Variants in GPR141 observed in about 807,000 individuals in gnomAD.
GPR141 encodes the protein G protein-coupled receptor 141.
A neutral mutation model predicts 6.8 loss-of-function variants in GPR141; 6 were observed. The ratio of observed to expected loss-of-function variants is 0.88; its 90% CI spans 0.48 to 1.74. The LOEUF (loss-of-function observed/expected upper bound fraction) is 1.74. GPR141 is among the 40% of genes most tolerant of loss of function. The pLI, the probability that GPR141 is intolerant of heterozygous loss-of-function variation, is 0.01. For missense variants in GPR141, 372 were observed against 372.9 expected (o/e 1.00, Z 0.02); for synonymous variants, 140 against 142.3 (o/e 0.98, Z 0.11).
At position 37,740,826 on chromosome 7, in the gene GPR141, G is replaced by C; in HGVS notation, c.433G>C (p.Val145Leu). 1 of 1,614,156 alleles carries C rather than the reference G, an allele frequency of 6.2e-7. No individual in the cohort carries two copies. Among genetic ancestry groups the C allele is most frequent in the Non-Finnish European group, 8.5e-7 (1 of 1,180,006 alleles). The stretch of plus-strand genomic sequence containing the variant: ...TGCTGGCATGTGGACGCTGGTGATT[G>C]TCATTGTGGTACCCCTGGTTGTCTC... ...ASAGMWTLVIVIVVPLVVSRY... is the reference protein window; with the variant it reads ...ASAGMWTLVILIVVPLVVSRY... Residue 145 changes from valine (V) to leucine (L), a missense_variant, in exon 3 of 3, where the codon GTC becomes CTC. By Grantham distance (32) the Val-to-Leu change is conservative. Coordinates refer to ENST00000334425, the MANE Select transcript of GPR141 (RefSeq NM_001381946.1).
intron 2 of GPR141, among the ~76,000 whole-genome samples, chr7:37,687,448 A>G (rs980979864): frequency 6.6e-6 from 1 of 152,118 alleles, no homozygotes; most frequent in Non-Finnish European, 1.5e-5. Context: ...AAATAGAAAT[A>G]TACTATTTGC....
rs187307900 is a variant in GPR141 at position 37,742,036 on chromosome 7, A to G, written c.*725A>G. Among the ~76,000 whole-genome samples, 322 of 152,324 alleles carry G rather than the reference A, an allele frequency of 2.1e-3. No individual in the cohort carries two copies. Among genetic ancestry groups the G allele is most frequent in the Non-Finnish European group, 3.5e-3 (235 of 68,020 alleles). On this transcript the variant is annotated 3_prime_UTR_variant, in exon 3 of 3. Transcript: ENST00000334425. The stretch of plus-strand genomic sequence containing the variant: ...TTAAAAGCTTACTGGACATATCTAC[A>G]TAATGGTGAAACTGTAATTTAGAGA...
At chr7:37,708,737 A>G (rs1389963092) in intron 2 of GPR141, among the ~76,000 whole-genome samples, 2 of 152,168 alleles carry the variant, frequency 1.3e-5, no homozygotes, top group African/African-American at 4.8e-5. Context: ...TAGAAGAGCA[A>G]TAAGGTATCA....
intron 2 of GPR141, among the ~76,000 whole-genome samples, chr7:37,714,120 G>A (rs1810937937): frequency 6.6e-6 from 1 of 151,986 alleles, no homozygotes; most frequent in African/African-American, 2.4e-5. Flanking sequence ...GAATGTTTGG[G>A]TGGCAAGTGT....
At chr7:37,727,830 A>G (rs1451516384) in intron 2 of GPR141, among the ~76,000 whole-genome samples, 1 of 152,256 alleles carries the variant, frequency 6.6e-6, no homozygotes, top group Non-Finnish European at 1.5e-5. Flanking sequence ...AAATATTAAG[A>G]TGTCATTTAG....
chr7:37,706,994 C>T (rs570643043), intron 2 of GPR141, among the ~76,000 whole-genome samples: 1 of 152,064 alleles, frequency 6.6e-6, no homozygotes, highest in African/African-American at 2.4e-5. Context: ...CGCCCACTGC[C>T]TCTTCCTCTT....
intron 2 of GPR141, among the ~76,000 whole-genome samples, chr7:37,712,519 A>G (rs1409022339): frequency 6.6e-6 from 1 of 152,106 alleles, no homozygotes; most frequent in Non-Finnish European, 1.5e-5. Flanking sequence ...TCCTCACACT[A>G]CCTGCCCCTC....
At chr7:37,732,142 CTCTT>C (rs1166051720) in intron 2 of GPR141, among the ~76,000 whole-genome samples, 1 of 131,432 alleles carries the variant, frequency 7.6e-6, no homozygotes, top group Non-Finnish European at 1.6e-5. Context: ...CTTTCTCTCT[CTCTT>C]TTTTTTTTTT....
At chr7:37,708,600 A>G (rs944440250) in intron 2 of GPR141, among the ~76,000 whole-genome samples, 1 of 152,144 alleles carries the variant, frequency 6.6e-6, no homozygotes, top group Admixed American at 6.6e-5. Context: ...TCCTCTGGGA[A>G]GAGGCACATA....
At chr7:37,718,794 G>C (rs1811173271) in intron 2 of GPR141, among the ~76,000 whole-genome samples, 1 of 152,188 alleles carries the variant, frequency 6.6e-6, no homozygotes, top group Non-Finnish European at 1.5e-5. Flanking sequence ...GATCACAAGG[G>C]TGATAGAGCC....
At chr7:37,687,985 C>T (rs1217632582) in intron 2 of GPR141, among the ~76,000 whole-genome samples, 3 of 152,130 alleles carry the variant, frequency 2.0e-5, no homozygotes, top group Non-Finnish European at 4.4e-5. Flanking sequence ...ATACAACTTA[C>T]AATTGCAATG....
chr7:37,737,688 A>G (rs1223145061), intron 2 of GPR141, among the ~76,000 whole-genome samples: 1 of 152,002 alleles, frequency 6.6e-6, no homozygotes, highest in Non-Finnish European at 1.5e-5. Context: ...AAGATTAGAC[A>G]CCTCTGGTCT....
At chr7:37,700,240 CAG>C (rs1810218915) in intron 2 of GPR141, among the ~76,000 whole-genome samples, 1 of 152,188 alleles carries the variant, frequency 6.6e-6, no homozygotes, top group Non-Finnish European at 1.5e-5. Context: ...GAATTTAGTG[CAG>C]AGTGTATTTT....
At chr7:37,693,685 C>G (rs1332103049) in intron 2 of GPR141, among the ~76,000 whole-genome samples, 3 of 151,966 alleles carry the variant, frequency 2.0e-5, no homozygotes, top group African/African-American at 7.3e-5. Context: ...CTGTTGGGGC[C>G]CTGGGGGAGC....
chr7:37,741,088 G>A lies in GPR141; in HGVS notation c.695G>A (p.Gly232Glu). 1 of 1,613,794 alleles carries A rather than the reference G, an allele frequency of 6.2e-7. No homozygotes were observed. Among genetic ancestry groups the A allele is most frequent in the Non-Finnish European group, 8.5e-7 (1 of 1,179,824 alleles). The change falls in exon 3 of 3, where the codon GGG becomes GAG. Residue 232 changes from glycine (G) to glutamate (E), a missense_variant. Coordinates refer to ENST00000334425, the MANE Select transcript of GPR141 (RefSeq NM_001381946.1). ...WAQLKNLFFI[G>E]VILVCFLPYQ... is the part of the protein sequence containing the mutation. Reference sequence around the variant, plus strand: ...CAGCTGAAAAACCTATTTTTTATAGGGGTCATCCTTGTTTGTTTCCTTCCC... The same window carrying A: ...CAGCTGAAAAACCTATTTTTTATAGAGGTCATCCTTGTTTGTTTCCTTCCC...
chr7:37,721,300 A>C (rs2257053), intron 2 of GPR141, among the ~76,000 whole-genome samples: 1 of 152,114 alleles, frequency 6.6e-6, no homozygotes, highest in African/African-American at 2.4e-5. Context: ...TGGGAGGATT[A>C]TAAGTATCAT....
intron 2 of GPR141, among the ~76,000 whole-genome samples, chr7:37,691,246 C>CT (rs375372143): frequency 0.011 from 1,093 of 97,886 alleles, 16 homozygotes; most frequent in African/African-American, 0.024. Flanking sequence ...TAGTTGGGTC[C>CT]TTTTTTTTTT....
At chr7:37,733,114 CAT>C (rs1454612703) in intron 2 of GPR141, among the ~76,000 whole-genome samples, 1 of 152,136 alleles carries the variant, frequency 6.6e-6, no homozygotes, top group Non-Finnish European at 1.5e-5. Flanking sequence ...GAATGAGTAA[CAT>C]AGAGTACATG....
chr7:37,742,534 T>C lies in GPR141; in HGVS notation c.*1223T>C, dbSNP rs1812616086. Among the ~76,000 whole-genome samples the C allele has an allele frequency of 6.6e-6, 1 of 152,114 alleles. No homozygotes were observed. The highest frequency in any genetic ancestry group is 2.1e-4 in the South Asian group (1 of 4,828). On this transcript the variant is annotated 3_prime_UTR_variant, in exon 3 of 3. Coordinates refer to ENST00000334425, the MANE Select transcript of GPR141 (RefSeq NM_001381946.1). Reference sequence around the variant, plus strand: ...TCCTGTGTTAGTTTGCTGAGAATGATGGTTTCCAGGTTAAAATTATATATT... The same window carrying C: ...TCCTGTGTTAGTTTGCTGAGAATGACGGTTTCCAGGTTAAAATTATATATT...
Sources: allele counts gnomAD v4.1 joint callset (sites outside exome capture counted in the v4.1 genomes callset), GRCh38; gene constraint gnomAD v4.1.1; transcripts MANE v1.5; gene names NCBI Gene and HGNC (gene_info 2026-07-23, HGNC 2026-07-21).